Variants in ADCY2 observed in about 807,000 individuals in gnomAD.
ADCY2 encodes adenylate cyclase 2.
In ADCY2, 31 loss-of-function variants were observed where a neutral mutation model predicts 125.2. The observed-to-expected ratio is 0.25, with a 90% CI of 0.19 to 0.33. The LOEUF (loss-of-function observed/expected upper bound fraction) is 0.33. Among genes scored for constraint, ADCY2 ranks in the 10% least tolerant of loss-of-function variants. The probability of loss-of-function intolerance (pLI) is 1.00; values close to 1 mark genes in which losing one functional copy is unlikely to be tolerated. For synonymous variants in ADCY2, 512 were observed against 548.4 expected (o/e 0.93, Z 0.93); for missense variants, 904 against 1,418.2 (o/e 0.64, Z 5.82).
chr5:7,500,598 G>A, intron 2 of ADCY2, among the ~76,000 whole-genome samples: 1 of 152,126 alleles, frequency 6.6e-6, no homozygotes, highest in Non-Finnish European at 1.5e-5. Context: ...AAAACACCAG[G>A]CAACTTTCAG....
rs376696141 is a variant in ADCY2, at chr5:7,504,412, C to T, written c.409-16326C>T. On this transcript the variant is annotated intron_variant, in intron 2 of 24. Transcript: ENST00000338316. ...AAAGGGATAGAATTGTGAAAATACGCAGTGTGAAATTTTCCCATTTCTCTA... is the reference window on the plus strand; with the variant it reads ...AAAGGGATAGAATTGTGAAAATACGTAGTGTGAAATTTTCCCATTTCTCTA... Among the ~76,000 whole-genome samples, 352 of 152,236 alleles carry T rather than the reference C, an allele frequency of 2.3e-3. 21 individuals are homozygous for T. The South Asian group carries it at 0.07, about 30-fold the overall frequency.
rs1263994913 is a variant in ADCY2 at position 7,802,179 on chromosome 5, A to G, written c.2629-39A>G. ...TGTGGAGTGTTTCTGTTTAAAGGTCAGTCTCCTAGTGATCAGCTCTTGCTT... is the reference window on the plus strand; with the variant it reads ...TGTGGAGTGTTTCTGTTTAAAGGTCGGTCTCCTAGTGATCAGCTCTTGCTT... On this transcript the variant is annotated intron_variant, in intron 20 of 24. Transcript: ENST00000338316. The surrounding 1 kb of genome is among the most constrained non-coding windows in gnomAD (Gnocchi z 4.6). 3 of 1,602,734 alleles carry G rather than the reference A, an allele frequency of 1.9e-6. No homozygotes were observed. Among genetic ancestry groups the G allele is most frequent in the Non-Finnish European group, 2.6e-6 (3 of 1,175,242 alleles).
intron 3 of ADCY2, among the ~76,000 whole-genome samples, chr5:7,583,528 A>G (rs1350588867): frequency 2.0e-5 from 3 of 152,100 alleles, no homozygotes; most frequent in Non-Finnish European, 4.4e-5. Context: ...AGCACTCATC[A>G]GGGAAATGCA....
At chr5:7,741,815 C>G in intron 14 of ADCY2, among the ~76,000 whole-genome samples, 2 of 88,778 alleles carry the variant, frequency 2.3e-5, no homozygotes, top group Non-Finnish European at 4.8e-5. Context: ...ATCATCATTA[C>G]CATCACCATC....
intron 4 of ADCY2, among the ~76,000 whole-genome samples, chr5:7,681,867 C>T (rs1193379081): frequency 1.3e-5 from 2 of 152,222 alleles, no homozygotes; most frequent in Admixed American, 1.3e-4. Flanking sequence ...AACGATTGCT[C>T]TCCTGTCCCC....
chr5:7,535,252 A>G (rs1419731160), intron 3 of ADCY2, among the ~76,000 whole-genome samples: 1 of 152,198 alleles, frequency 6.6e-6, no homozygotes, highest in Non-Finnish European at 1.5e-5. Context: ...CATGTTGGCC[A>G]GGCTGGTCTT....
intron 2 of ADCY2, among the ~76,000 whole-genome samples, chr5:7,492,832 A>G (rs1293983991): frequency 6.6e-6 from 1 of 152,142 alleles, no homozygotes; most frequent in African/African-American, 2.4e-5. Flanking sequence ...TGGAAGTCAG[A>G]GGAGGGTGAG....
Position 7,555,857 on chromosome 5 carries a change from C to G in ADCY2, c.570+34958C>G, listed in dbSNP as rs963369631. Among the ~76,000 whole-genome samples, 9 of 130,224 alleles carry G rather than the reference C, an allele frequency of 6.9e-5. No individual in the cohort carries two copies. The East Asian group carries it at 1.9e-3, about 27-fold the overall frequency. The allele number at this position is 130,224 out of a possible 152,430, so 85.4% of individuals were successfully genotyped here. A position where few individuals can be genotyped will look rare whatever the true frequency, so the allele number is the denominator to read the frequency against. On this transcript the variant is annotated intron_variant, in intron 3 of 24. Transcript: ENST00000338316. Reference sequence around the variant, plus strand: ...TCTTTTACAGACACATGTGAGCGCACACACACACACACACACACACACACA... The same window carrying G: ...TCTTTTACAGACACATGTGAGCGCAGACACACACACACACACACACACACA...
intron 3 of ADCY2, among the ~76,000 whole-genome samples, chr5:7,579,162 C>T (rs1274716318): frequency 6.6e-6 from 1 of 152,040 alleles, no homozygotes; most frequent in African/African-American, 2.4e-5. Flanking sequence ...AAATATAAAA[C>T]AAAACCACCT....
At chr5:7,627,147 A>G (rs1270068429) in intron 4 of ADCY2, among the ~76,000 whole-genome samples, 1 of 151,998 alleles carries the variant, frequency 6.6e-6, no homozygotes, top group Non-Finnish European at 1.5e-5. Context: ...TGTTGTCCAC[A>G]TAGGATGAAA....
At chr5:7,403,135 G>A (rs1329720833) in intron 1 of ADCY2, among the ~76,000 whole-genome samples, 1 of 152,024 alleles carries the variant, frequency 6.6e-6, no homozygotes, top group Non-Finnish European at 1.5e-5. Flanking sequence ...ATATGTGCGT[G>A]TGTGTGTTTT....
intron 3 of ADCY2, among the ~76,000 whole-genome samples, chr5:7,603,816 T>G (rs1456677836): frequency 7.6e-5 from 9 of 118,426 alleles, no homozygotes; most frequent in African/African-American, 1.2e-4. Context: ...TTTTCTTTTG[T>G]TTTTTTTTTT....
chr5:7,784,310 G>T, intron 18 of ADCY2, 55 bp from the exon 19 acceptor site: 1 of 1,242,082 alleles, frequency 8.1e-7, no homozygotes, highest in East Asian at 2.3e-5. Context: ...TCTAAGTCCT[G>T]TATGCGTGTT....
chr5:7,413,437 G>T lies in ADCY2; in HGVS notation c.211-1136G>T, dbSNP rs559788816. On this transcript the variant is annotated intron_variant, in intron 1 of 24. Coordinates refer to ENST00000338316, the MANE Select transcript of ADCY2 (RefSeq NM_020546.3). ...GCCTCCGGAGTAGCTGGGACCACAGGCGCCTGCCACCACGCGCGGCTAATT... is the reference window on the plus strand; with the variant it reads ...GCCTCCGGAGTAGCTGGGACCACAGTCGCCTGCCACCACGCGCGGCTAATT... Among the ~76,000 whole-genome samples, 12 of 152,048 alleles carry T rather than the reference G, an allele frequency of 7.9e-5. No homozygotes were observed. The South Asian group carries it at 2.5e-3, about 32-fold the overall frequency.
At chr5:7,650,889 G>A (rs1006628689) in intron 4 of ADCY2, among the ~76,000 whole-genome samples, 2 of 152,144 alleles carry the variant, frequency 1.3e-5, no homozygotes, top group African/African-American at 4.8e-5. Context: ...GGTTGCCCAG[G>A]GAGTAATGTT....
At chr5:7,760,194 A>G (rs1743149221) in intron 16 of ADCY2, among the ~76,000 whole-genome samples, 2 of 152,236 alleles carry the variant, frequency 1.3e-5, no homozygotes, top group African/African-American at 4.8e-5. Flanking sequence ...CAGAAGCATG[A>G]GTGTGTTTTC....
At chr5:7,707,007 C>T (rs1027129200) in intron 8 of ADCY2, 105 bp downstream of exon 8, 1 of 1,421,182 alleles carries the variant, frequency 7.0e-7, no homozygotes, top group Non-Finnish European at 9.5e-7. Flanking sequence ...ACTTCTGTTG[C>T]CTCTGTTGGT....
At chr5:7,803,483 C>T (rs1177935788) in intron 21 of ADCY2, among the ~76,000 whole-genome samples, 1 of 152,228 alleles carries the variant, frequency 6.6e-6, no homozygotes, top group Non-Finnish European at 1.5e-5. Context: ...CAAGCCCATT[C>T]CTCTTCCTTC....
intron 1 of ADCY2, among the ~76,000 whole-genome samples, chr5:7,397,878 T>C (rs1352022725): frequency 2.0e-5 from 3 of 151,850 alleles, no homozygotes; most frequent in African/African-American, 4.8e-5. Flanking sequence ...TAGATAGGAG[T>C]CCGGAGAAAC....
Sources: gnomAD v4.1 joint callset for allele counts (sites outside exome capture counted in the v4.1 genomes callset) on GRCh38, gnomAD v4.1.1 for gene constraint, Gnocchi (gnomAD v3.1) non-coding constraint, MANE v1.5 for transcripts, NCBI Gene and HGNC (gene_info 2026-07-23, HGNC 2026-07-21) for gene names.